The following KIAA1549 variants were observed in gnomAD, a reference collection of about 807,000 sequenced individuals.
KIAA1549 encodes KIAA1549, also known as UPF0606 protein KIAA1549.
KIAA1549 carries 70 observed loss-of-function variants against 156.4 expected under a neutral mutation model. The observed-to-expected ratio is 0.45, with a 90% CI of 0.37 to 0.55. The LOEUF (loss-of-function observed/expected upper bound fraction) is 0.55. KIAA1549 is among the 20% of genes least tolerant of loss of function. KIAA1549 has a pLI of 0.00. For synonymous variants in KIAA1549, 1,103 were observed against 1,066.4 expected (o/e 1.03, Z -0.67); for missense variants, 2,428 against 2,540.9 (o/e 0.96, Z 0.96).
intron 1 of KIAA1549, among the ~76,000 whole-genome samples, chr7:138,958,422 G>A (rs185067163): frequency 1.3e-5 from 2 of 152,334 alleles, no homozygotes; most frequent in African/African-American, 4.8e-5. Flanking sequence ...TGTTGGCTAT[G>A]CCCTAAAGGA....
chr7:138,941,581 TTAA>T (rs1429591188), intron 1 of KIAA1549, among the ~76,000 whole-genome samples: 1 of 152,172 alleles, frequency 6.6e-6, no homozygotes, highest in Non-Finnish European at 1.5e-5. Context: ...CAGAGAAGTG[TTAA>T]TAAACAGTAA....
chr7:138,969,139 G>A (rs1162122015), intron 1 of KIAA1549, among the ~76,000 whole-genome samples: 1 of 152,108 alleles, frequency 6.6e-6, no homozygotes, highest in African/African-American at 2.4e-5. Context: ...CATAAGTTAC[G>A]ATTTAGCTCC....
At chr7:138,882,598 T>G (rs989789233) in intron 10 of KIAA1549, among the ~76,000 whole-genome samples, 1 of 152,072 alleles carries the variant, frequency 6.6e-6, no homozygotes, top group African/African-American at 2.4e-5. Context: ...TAAATACAGA[T>G]TCTGTGGATA....
chr7:138,934,264 A>G (rs1812947984), intron 1 of KIAA1549, among the ~76,000 whole-genome samples: 3 of 152,106 alleles, frequency 2.0e-5, no homozygotes, highest in Admixed American at 2.0e-4. Flanking sequence ...GATCCTCCAC[A>G]AGACACAGGG....
rs1445349365 is a variant in KIAA1549 at position 138,834,097 on chromosome 7, CAA to C, written c.*3807_*3808del. ...GTCACTTCAGAAGTTGACGTCTCCC[CAA>C]GATATTGCATTTCCAAACATGCAAC... On this transcript the variant is annotated 3_prime_UTR_variant, in exon 20 of 20. Coordinates refer to ENST00000422774, the MANE Select transcript of KIAA1549 (RefSeq NM_001164665.2). 9.0e-6 allele frequency: 2 copies of C among 223,018 alleles called. No individual in the cohort carries two copies. Among genetic ancestry groups the C allele is most frequent in the Non-Finnish European group, 1.8e-5 (2 of 111,624 alleles). 13.8% of individuals were successfully genotyped at this position (223,018 alleles called of 1,614,324 possible). A position where few individuals can be genotyped will look rare whatever the true frequency, so the allele number is the denominator to read the frequency against.
chr7:138,937,534 G>T (rs758443776), intron 1 of KIAA1549, among the ~76,000 whole-genome samples: 2 of 152,210 alleles, frequency 1.3e-5, no homozygotes, highest in Non-Finnish European at 2.9e-5. Context: ...CAATAATGAT[G>T]AACAGAGAAG....
intron 1 of KIAA1549, among the ~76,000 whole-genome samples, chr7:138,924,145 T>C (rs552703160): frequency 1.3e-5 from 2 of 152,070 alleles, no homozygotes; most frequent in East Asian, 1.9e-4. Flanking sequence ...CGATACTTAT[T>C]ATGACCACAG....
At chr7:138,956,902 G>A (rs1813681820) in intron 1 of KIAA1549, among the ~76,000 whole-genome samples, 1 of 152,134 alleles carries the variant, frequency 6.6e-6, no homozygotes. Context: ...TCTCTGCCAG[G>A]CCCAGTGCCA....
intron 19 of KIAA1549, 85 bp from the exon 20 acceptor site, chr7:138,838,245 A>G: frequency 7.3e-7 from 1 of 1,372,068 alleles, no homozygotes; most frequent in Non-Finnish European, 9.6e-7. Flanking sequence ...GAAGGTTCCC[A>G]GGACTGCCCA....
Position 138,861,435 on chromosome 7 carries a change from C to A in KIAA1549, c.4951G>T (p.Asp1651Tyr). ...GCPSDPDLPA[D>Y]VQTPSSVELG... The stretch of plus-strand genomic sequence containing the variant: ...TCCACCGAGGATGGTGTCTGCACAT[C>A]GGCTGGGAGGTCAGGATCCGACTAC... Residue 1651 changes from aspartate to tyrosine, a missense_variant, in exon 16 of 20, where the codon GAT becomes TAT. Transcript: ENST00000422774. 3 of 1,611,006 alleles carry A rather than the reference C, an allele frequency of 1.9e-6. No homozygotes were observed. The highest frequency in any genetic ancestry group is 2.5e-6 in the Non-Finnish European group (3 of 1,178,656).
In KIAA1549 at chr7:138,836,593, C is replaced by T. The variant is rs573414222; in HGVS notation, c.*1313G>A. ...CTCAGGTACCAGAAAACAGAACAGCCCTTGCCACTGTTTTCTTTACCATTA... is the reference window on the plus strand; with the variant it reads ...CTCAGGTACCAGAAAACAGAACAGCTCTTGCCACTGTTTTCTTTACCATTA... On this transcript the variant is annotated 3_prime_UTR_variant, in exon 20 of 20. Coordinates refer to ENST00000422774, the MANE Select transcript of KIAA1549 (RefSeq NM_001164665.2). 9.1e-6 allele frequency: 2 copies of T among 218,856 alleles called. No individual in the cohort carries two copies. The highest frequency in any genetic ancestry group is 1.8e-4 in the South Asian group (1 of 5,428). The allele number at this position is 218,856 out of a possible 1,614,324, so 13.6% of individuals were successfully genotyped here.
chr7:138,874,847 T>A (rs1811034544), intron 12 of KIAA1549, among the ~76,000 whole-genome samples: 1 of 151,872 alleles, frequency 6.6e-6, no homozygotes, highest in Admixed American at 6.6e-5. Context: ...CTACAAAAAA[T>A]AACCCGGCGT....
intron 1 of KIAA1549, among the ~76,000 whole-genome samples, chr7:138,943,982 G>A (rs1421317210): frequency 6.6e-6 from 1 of 151,144 alleles, no homozygotes; most frequent in Non-Finnish European, 1.5e-5. Context: ...GCCCAGGGTG[G>A]CCTTGAACTC....
At chr7:138,846,150 A>C (rs1563047035) in intron 17 of KIAA1549, among the ~76,000 whole-genome samples, 1 of 152,250 alleles carries the variant, frequency 6.6e-6, no homozygotes, top group Non-Finnish European at 1.5e-5. Context: ...TTAATTAATA[A>C]ATCACATTTT....
intron 1 of KIAA1549, among the ~76,000 whole-genome samples, chr7:138,925,637 T>C (rs1346411186): frequency 4.0e-5 from 6 of 151,682 alleles, no homozygotes; most frequent in African/African-American, 1.5e-4. Context: ...AGTTCACCAG[T>C]CTGGGCAACG....
rs112609085 is a variant in KIAA1549, at chr7:138,887,683, G to A, written c.4033-6099C>T. Among the ~76,000 whole-genome samples, 698 of 152,246 alleles carry A rather than the reference G, an allele frequency of 4.6e-3. 6 individuals carry two copies. The highest frequency in any genetic ancestry group is 0.014 in the African/African-American group (599 of 41,536). ...CTCTGCCCAGAGATGTAGAAACCTC[G>A]GGAACATCAAATAAAATCACAATTC... On this transcript the variant is annotated intron_variant, in intron 10 of 19. Coordinates refer to ENST00000422774, the MANE Select transcript of KIAA1549 (RefSeq NM_001164665.2).
chr7:138,861,059 C>T (rs556869124), intron 16 of KIAA1549, 80 bp downstream of exon 16: 23 of 1,415,920 alleles, frequency 1.6e-5, no homozygotes, highest in East Asian at 4.6e-5. Flanking sequence ...CGGTTTTGTG[C>T]GGAGCCTGAA....
chr7:138,964,263 G>A lies in KIAA1549; in HGVS notation c.187+16820C>T, dbSNP rs961477920. ...TCACTCTGCCCTGCAAGCAAAGCCT[G>A]TGAGTGGGCACTTCAGTGGGAGAGA... is the stretch of plus-strand genomic sequence containing the variant. On this transcript the variant is annotated intron_variant, in intron 1 of 19. Transcript: ENST00000422774. Among the ~76,000 whole-genome samples, 5 of 152,218 alleles carry A rather than the reference G, an allele frequency of 3.3e-5. No homozygotes were observed. In the East Asian group the frequency reaches 9.6e-4, roughly 29 times the overall value.
At chr7:138,944,385 T>C (rs1813282250) in intron 1 of KIAA1549, among the ~76,000 whole-genome samples, 1 of 152,210 alleles carries the variant, frequency 6.6e-6, no homozygotes, top group African/African-American at 2.4e-5. Flanking sequence ...AGGATGGCTA[T>C]ATTTTTTAAA....
Sources: gnomAD v4.1 joint callset for allele counts (sites outside exome capture counted in the v4.1 genomes callset) on GRCh38, gnomAD v4.1.1 for gene constraint, MANE v1.5 for transcripts, NCBI Gene and HGNC (gene_info 2026-07-23, HGNC 2026-07-21) for gene names.